The following ODAD2 variants were observed in gnomAD, a reference collection of about 807,000 sequenced individuals.
ODAD2 encodes outer dynein arm-docking complex subunit 2.
Under a neutral mutation model 106.8 loss-of-function variants are expected in ODAD2, and 89 were observed. That is an observed-to-expected ratio of 0.83 (90% confidence interval 0.70 to 0.99). The LOEUF is 0.99. ODAD2 is among the 50% of genes least tolerant of loss of function. ODAD2 has a pLI of 0.00. For missense variants in ODAD2, 1,168 were observed against 1,238.5 expected, an observed-to-expected ratio of 0.94 and a Z score of 0.85; for synonymous variants, 404 against 436.2, an observed-to-expected ratio of 0.93 and a Z score of 0.92.
At chr10:27,893,321 A>G (rs1235655224) in intron 17 of ODAD2, among the ~76,000 whole-genome samples, 1 of 152,326 alleles carries the variant, frequency 6.6e-6, no homozygotes, top group East Asian at 1.9e-4. Flanking sequence ...AAAAAAACGG[A>G]TAACATCTGG....
At position 27,854,434 on chromosome 10, in the gene ODAD2, A is replaced by T. The variant is rs1839512633; in HGVS notation, c.3021+6191T>A. Among the ~76,000 whole-genome samples the T allele has an allele frequency of 2.6e-5, 4 of 152,174 alleles. No homozygotes were observed. In the South Asian group the frequency reaches 8.3e-4, roughly 32 times the overall value. On this transcript the variant is annotated intron_variant, in intron 19 of 19. Coordinates refer to ENST00000305242, the MANE Select transcript of ODAD2 (RefSeq NM_018076.5). ...GTTCGTAGCAGCTTTATTTGTAACA[A>T]CCCAAACCGGAAATAAATATTCATT...
At chr10:27,843,980 G>A (rs1159724015) in intron 19 of ODAD2, among the ~76,000 whole-genome samples, 1 of 152,100 alleles carries the variant, frequency 6.6e-6, no homozygotes, top group African/African-American at 2.4e-5. Flanking sequence ...TCGGAGGATT[G>A]CTTGAGGCTG....
chr10:27,976,092 T>A (rs1849170957), intron 7 of ODAD2, among the ~76,000 whole-genome samples: 1 of 152,110 alleles, frequency 6.6e-6, no homozygotes, highest in Non-Finnish European at 1.5e-5. Context: ...AAATCCAACA[T>A]TCATTCCTAA....
At chr10:27,912,331 C>G (rs951336189) in intron 16 of ODAD2, among the ~76,000 whole-genome samples, 2 of 152,084 alleles carry the variant, frequency 1.3e-5, no homozygotes, top group Non-Finnish European at 2.9e-5. Context: ...TCAGTTTTAT[C>G]TCAGAAATCA....
chr10:27,960,593 A>G (rs1848068251), intron 10 of ODAD2, among the ~76,000 whole-genome samples: 1 of 151,472 alleles, frequency 6.6e-6, no homozygotes, highest in African/African-American at 2.4e-5. Flanking sequence ...CAGACGATCC[A>G]CCCTCCTCGG....
chr10:27,991,278 C>T (rs767127150), intron 2 of ODAD2, among the ~76,000 whole-genome samples: 9 of 146,178 alleles, frequency 6.2e-5, no homozygotes, highest in Admixed American at 2.8e-4. Context: ...CAAAATTAAA[C>T]GTGGAAAGAT....
intron 9 of ODAD2, 149 bp from the exon 10 acceptor site, chr10:27,961,864 A>G: frequency 1.6e-6 from 1 of 618,024 alleles, no homozygotes; most frequent in South Asian, 2.3e-5. Flanking sequence ...CAAGAGTTCA[A>G]CACCAGCCTG....
At chr10:27,988,966 G>A (rs1010186397) in intron 2 of ODAD2, among the ~76,000 whole-genome samples, 6 of 152,158 alleles carry the variant, frequency 3.9e-5, no homozygotes, top group Non-Finnish European at 8.8e-5. Flanking sequence ...GACAGAGGCA[G>A]CGACAGGGAT....
chr10:27,815,774 T>G (rs1314173909), intron 19 of ODAD2, among the ~76,000 whole-genome samples: 1 of 152,146 alleles, frequency 6.6e-6, no homozygotes, highest in Non-Finnish European at 1.5e-5. Context: ...GATGACATCT[T>G]TCACTACCTG....
intron 17 of ODAD2, among the ~76,000 whole-genome samples, chr10:27,863,248 T>C (rs1321064556): frequency 1.3e-5 from 2 of 152,096 alleles, no homozygotes; most frequent in Admixed American, 6.6e-5. Context: ...TTACAAACCA[T>C]AGGCAGCACC....
intron 7 of ODAD2, among the ~76,000 whole-genome samples, chr10:27,975,748 C>G (rs191608798): frequency 6.6e-6 from 1 of 152,096 alleles, no homozygotes; most frequent in Non-Finnish European, 1.5e-5. Flanking sequence ...AATATTAATT[C>G]TATACAAACT....
At chr10:27,847,170 C>T (rs1162640680) in intron 19 of ODAD2, among the ~76,000 whole-genome samples, 6 of 152,064 alleles carry the variant, frequency 3.9e-5, no homozygotes, top group African/African-American at 7.2e-5. Context: ...TGCAAAAATC[C>T]TCAATAAAAT....
chr10:27,843,544 T>C (rs1751049546), intron 19 of ODAD2, among the ~76,000 whole-genome samples: 1 of 152,058 alleles, frequency 6.6e-6, no homozygotes, highest in South Asian at 2.1e-4. Flanking sequence ...GGCAGGTGGA[T>C]CATTTAAGGT....
intron 7 of ODAD2, among the ~76,000 whole-genome samples, chr10:27,973,800 G>C (rs1849017261): frequency 6.6e-6 from 1 of 152,146 alleles, no homozygotes; most frequent in Non-Finnish European, 1.5e-5. Flanking sequence ...TATATACCCA[G>C]TAATGAAGTT....
chr10:27,971,311 T>A lies in ODAD2; in HGVS notation c.939A>T (p.Gly313=), dbSNP rs766491818. 1 of 1,584,680 alleles carries A rather than the reference T, an allele frequency of 6.3e-7. No individual in the cohort carries two copies. The highest frequency in any genetic ancestry group is 8.5e-7 in the Non-Finnish European group (1 of 1,171,018). ...PKFSENMSKL[G]ISFSEDQQKE... is the part of the protein sequence containing the mutation. ...TTTGCTGGTCTTCACTGAAGCTAAT[T>A]CCCTTTATTTAAAAAATGAGAATAA... The change falls in exon 8 of 20, where the codon GGA becomes GGT. Residue 313 remains glycine (G), a splice_region_variant and synonymous_variant. Coordinates refer to ENST00000305242, the MANE Select transcript of ODAD2 (RefSeq NM_018076.5).
At chr10:27,931,006 T>C (rs1845580180) in intron 16 of ODAD2, among the ~76,000 whole-genome samples, 1 of 152,238 alleles carries the variant, frequency 6.6e-6, no homozygotes, top group Non-Finnish European at 1.5e-5. Flanking sequence ...CATGTCCGTA[T>C]GACTTTTCCC....
At chr10:27,889,949 G>C (rs1415066639) in intron 17 of ODAD2, among the ~76,000 whole-genome samples, 1 of 152,130 alleles carries the variant, frequency 6.6e-6, no homozygotes, top group African/African-American at 2.4e-5. Flanking sequence ...AGGTACCATG[G>C]AAAGAAAGAG....
At chr10:27,816,351 T>C (rs1483095074) in intron 19 of ODAD2, among the ~76,000 whole-genome samples, 7 of 152,344 alleles carry the variant, frequency 4.6e-5, no homozygotes, top group African/African-American at 1.4e-4. Flanking sequence ...GATTCTGTTC[T>C]GTATGAGGGA....
chr10:27,985,770 CATATACATAAT>C (rs1267645598), intron 3 of ODAD2, among the ~76,000 whole-genome samples: 1 of 150,774 alleles, frequency 6.6e-6, no homozygotes, highest in Non-Finnish European at 1.5e-5. Context: ...CACATCTAGC[CATATACATAAT>C]ATATACATAA....
Sources: allele counts gnomAD v4.1 joint callset (sites outside exome capture counted in the v4.1 genomes callset), GRCh38; gene constraint gnomAD v4.1.1; transcripts MANE v1.5; gene names NCBI Gene and HGNC (gene_info 2026-07-23, HGNC 2026-07-21).